Variants in DLGAP2 observed in about 807,000 individuals in gnomAD.
DLGAP2 encodes DLG associated protein 2.
A neutral mutation model predicts 100.3 loss-of-function variants in DLGAP2; 26 were observed. The ratio of observed to expected loss-of-function variants is 0.26; its 90% CI spans 0.19 to 0.36. DLGAP2 has a LOEUF of 0.36. DLGAP2 is among the 10% of genes least tolerant of loss of function. The pLI is 1.00. For missense variants in DLGAP2, 1,858 were observed against 1,453.2 expected, an observed-to-expected ratio of 1.28 and a Z score of -4.53; for synonymous variants, 886 against 630.1, an observed-to-expected ratio of 1.41 and a Z score of -6.08.
rs1378822595 is a variant in DLGAP2, at chr8:1,515,711, AAC to A, written c.172+14284_172+14285del. 9.2e-5 allele frequency among the ~76,000 whole-genome samples: 14 copies of A among 152,242 alleles called. No homozygotes were observed. In the East Asian group the frequency reaches 9.6e-4, roughly 10 times the overall value. ...ACATGCACAAATATGCAGACACACA[AAC>A]ACATGCACAGATAGGCACACTCACA... On this transcript the variant is annotated intron_variant, in intron 4 of 14. Transcript: ENST00000637795.
intron 2 of DLGAP2, among the ~76,000 whole-genome samples, chr8:1,051,666 G>A (rs1320162502): frequency 1.3e-5 from 2 of 152,132 alleles, no homozygotes; most frequent in African/African-American, 2.4e-5. Flanking sequence ...GTAAAGTCAC[G>A]TCTGGTCCAC....
At chr8:1,108,500 G>T (rs1297559063) in intron 2 of DLGAP2, among the ~76,000 whole-genome samples, 4 of 151,802 alleles carry the variant, frequency 2.6e-5, no homozygotes, top group Non-Finnish European at 5.9e-5. Context: ...TGCCTGTGAC[G>T]TGTGCTGGGT....
chr8:974,527 A>G (rs1185307077), intron 2 of DLGAP2, among the ~76,000 whole-genome samples: 1 of 152,214 alleles, frequency 6.6e-6, no homozygotes, highest in African/African-American at 2.4e-5. Flanking sequence ...AATTTAAAAG[A>G]CTAGAAGTAA....
intron 2 of DLGAP2, among the ~76,000 whole-genome samples, chr8:1,202,543 A>G (rs1272005414): frequency 6.6e-6 from 1 of 152,110 alleles, no homozygotes; most frequent in African/African-American, 2.4e-5. Context: ...TTCCAAGTCC[A>G]TTTTCTAATG....
At chr8:1,077,014 G>T (rs1478956592) in intron 2 of DLGAP2, among the ~76,000 whole-genome samples, 2 of 150,500 alleles carry the variant, frequency 1.3e-5, no homozygotes, top group Admixed American at 6.6e-5. Context: ...GGTGGAGGAG[G>T]AGTCTGTCCC....
At chr8:1,690,703 C>CAAAAA (rs71190752) in intron 12 of DLGAP2, among the ~76,000 whole-genome samples, 3,949 of 61,940 alleles carry the variant, frequency 0.064, 308 homozygotes, top group East Asian at 0.079. Flanking sequence ...GACCCTATCT[C>CAAAAA]AAAAAAAAAA....
chr8:1,350,214 C>T lies in DLGAP2; in HGVS notation c.106+91331C>T, dbSNP rs1425130981. On this transcript the variant is annotated intron_variant, in intron 3 of 14. Coordinates refer to ENST00000637795, the MANE Select transcript of DLGAP2 (RefSeq NM_001346810.2). ...GGGTCCTGAGTGTGCGTGGAAAGGC[C>T]GTGCGGGTCCTGAGTGTGCGTGGAA... Among the ~76,000 whole-genome samples, 399 of 147,692 alleles carry T rather than the reference C, an allele frequency of 2.7e-3. 3 individuals are homozygous for T. The highest frequency in any genetic ancestry group is 9.6e-3 in the African/African-American group (380 of 39,556).
chr8:1,207,528 T>A (rs1163608557), intron 2 of DLGAP2, among the ~76,000 whole-genome samples: 1 of 152,258 alleles, frequency 6.6e-6, no homozygotes, highest in African/African-American at 2.4e-5. Context: ...TGAATACACA[T>A]GCATGTGCAA....
At chr8:1,218,948 A>G (rs1798264590) in intron 2 of DLGAP2, among the ~76,000 whole-genome samples, 1 of 152,138 alleles carries the variant, frequency 6.6e-6, no homozygotes. Context: ...GTGAATAGAA[A>G]TGCTATTAAT....
intron 1 of DLGAP2, among the ~76,000 whole-genome samples, chr8:808,453 C>G (rs997251885): frequency 6.6e-6 from 1 of 152,146 alleles, no homozygotes; most frequent in African/African-American, 2.4e-5. Flanking sequence ...GGGAGTAGCC[C>G]CTGGAAGGAC....
intron 2 of DLGAP2, among the ~76,000 whole-genome samples, chr8:1,121,786 T>C (rs1206903352): frequency 6.6e-6 from 1 of 152,048 alleles, no homozygotes; most frequent in East Asian, 1.9e-4. Flanking sequence ...CCTTGTCTCC[T>C]TAGAACCCGT....
intron 3 of DLGAP2, chr8:1,259,809 G>T (rs904142922): frequency 7.9e-5 from 12 of 152,224 alleles, no homozygotes; most frequent in African/African-American, 2.7e-4. Context: ...AAATGAAAAA[G>T]TGAGTATAGG....
chr8:1,090,072 G>A (rs1482279531), intron 2 of DLGAP2, among the ~76,000 whole-genome samples: 3 of 142,302 alleles, frequency 2.1e-5, no homozygotes, highest in Non-Finnish European at 4.7e-5. Flanking sequence ...CTGCCTGTCT[G>A]CACTCTGGAG....
intron 2 of DLGAP2, among the ~76,000 whole-genome samples, chr8:994,672 C>T (rs1026480886): frequency 1.3e-5 from 2 of 152,160 alleles, no homozygotes; most frequent in Non-Finnish European, 2.9e-5. Context: ...CACACAGGGG[C>T]TGGAACTCAG....
At chr8:1,047,077 A>G (rs1010900967) in intron 2 of DLGAP2, among the ~76,000 whole-genome samples, 4 of 152,190 alleles carry the variant, frequency 2.6e-5, no homozygotes, top group Non-Finnish European at 4.4e-5. Flanking sequence ...AGCCATCACC[A>G]CTATCTAATT....
At chr8:1,072,565 G>C (rs1357546011) in intron 2 of DLGAP2, among the ~76,000 whole-genome samples, 1 of 152,136 alleles carries the variant, frequency 6.6e-6, no homozygotes, top group Non-Finnish European at 1.5e-5. Flanking sequence ...AGGGAGGTGC[G>C]GCCTGGCTTG....
At chr8:1,230,583 GCAT>G (rs1798515425) in intron 2 of DLGAP2, among the ~76,000 whole-genome samples, 1 of 152,148 alleles carries the variant, frequency 6.6e-6, no homozygotes, top group Non-Finnish European at 1.5e-5. Flanking sequence ...AAAGCCAGAG[GCAT>G]CATGTTACCT....
intron 3 of DLGAP2, among the ~76,000 whole-genome samples, chr8:1,417,182 G>T (rs1796915712): frequency 1.3e-5 from 1 of 76,758 alleles, no homozygotes; most frequent in African/African-American, 6.9e-5. Flanking sequence ...CGTTCATTTA[G>T]TGTCTGAGGC....
intron 3 of DLGAP2, among the ~76,000 whole-genome samples, chr8:1,364,554 G>C (rs535324779): frequency 6.6e-6 from 1 of 152,190 alleles, no homozygotes; most frequent in Non-Finnish European, 1.5e-5. Context: ...TGGGGCTGGC[G>C]GGAAGCGTCT....
Sources: allele counts gnomAD v4.1 joint callset (sites outside exome capture counted in the v4.1 genomes callset), GRCh38; gene constraint gnomAD v4.1.1; transcripts MANE v1.5; gene names NCBI Gene and HGNC (gene_info 2026-07-23, HGNC 2026-07-21).